Variants in CDKN2AIPNL observed in about 807,000 individuals in gnomAD.
CDKN2AIPNL encodes the protein XRN2 binding domain containing 1, also known as CDKN2AIP N-terminal-like protein.
In CDKN2AIPNL, 9 loss-of-function variants were observed where a neutral mutation model predicts 12.9. That is an observed-to-expected ratio of 0.70 (90% CI 0.42 to 1.22). The LOEUF is 1.22. Among genes scored for constraint, CDKN2AIPNL ranks in the 50% most tolerant of loss-of-function variants. CDKN2AIPNL has a pLI of 0.00. For missense variants in CDKN2AIPNL, 143 were observed against 153.6 expected (o/e 0.93, Z 0.37); for synonymous variants, 53 against 61.7 (o/e 0.86, Z 0.66).
chr5:134,405,108 C>CTTTTTTTTTCTT (rs1243871449), intron 2 of CDKN2AIPNL, among the ~76,000 whole-genome samples: 162 of 131,660 alleles, frequency 1.2e-3, no homozygotes, highest in African/African-American at 4.1e-3. Flanking sequence ...CGTCATTTTT[C>CTTTTTTTTTCTT]TTTTTTTTTT....
At chr5:134,411,180 A>G in intron 1 of CDKN2AIPNL, 2 of 692,522 alleles carry the variant, frequency 2.9e-6, no homozygotes, top group Admixed American at 2.1e-5. Context: ...GGCCCCAGGT[A>G]TATCACTTCT....
Position 134,409,888 on chromosome 5 carries a change from G to C in CDKN2AIPNL, c.339+15C>G. On this transcript the variant is annotated intron_variant, in intron 2 of 2. Coordinates refer to ENST00000458198, the MANE Select transcript of CDKN2AIPNL (RefSeq NM_080656.3). ...CTACACCATTTCATCACATGCACTT[G>C]GAAATCCTATTTACCTTTTTCATTA... The C allele has an allele frequency of 6.5e-7, 1 of 1,545,866 alleles. No homozygotes were observed. Among genetic ancestry groups the C allele is most frequent in the Non-Finnish European group, 8.9e-7 (1 of 1,120,382 alleles).
chr5:134,411,531 G>A, intron 1 of CDKN2AIPNL, 85 bp downstream of exon 1: 1 of 1,207,558 alleles, frequency 8.3e-7, no homozygotes, highest in Non-Finnish European at 1.2e-6. Flanking sequence ...CTGGGGCAGA[G>A]GTTCGGGTCA....
rs891687833 is a variant in CDKN2AIPNL at position 134,411,818 on chromosome 5, G to A, written c.37C>T (p.Leu13=). Residue 13 remains leucine (L), a synonymous_variant, in exon 1 of 3, where the codon CTG becomes TTG. Transcript: ENST00000458198. The stretch of plus-strand genomic sequence containing the variant: ...GCCGCCTGCCGCACCCCCGAAACCA[G>A]CTCCTCCACTGCGGCAGCCGCCTCG... ...GGEAAAAVEE[L]VSGVRQAADF... is the part of the protein sequence containing the mutation. 39 of 1,597,556 alleles carry A rather than the reference G, an allele frequency of 2.4e-5. No homozygotes were observed. In the African/African-American group the frequency reaches 5.0e-4, roughly 20 times the overall value.
chr5:134,402,885 T>C lies in CDKN2AIPNL; in HGVS notation c.*30A>G, dbSNP rs1424559885. 2.5e-6 allele frequency: 4 copies of C among 1,605,480 alleles called. No homozygotes were observed. Among genetic ancestry groups the C allele is most frequent in the Non-Finnish European group, 1.7e-6 (2 of 1,175,984 alleles). On this transcript the variant is annotated 3_prime_UTR_variant, in exon 3 of 3. Coordinates refer to ENST00000458198, the MANE Select transcript of CDKN2AIPNL (RefSeq NM_080656.3). The stretch of plus-strand genomic sequence containing the variant: ...CCAGCCTCCTTTCTAATCCTGTAGC[T>C]GATGATGAAAATGTGATAAATCTTC...
At chr5:134,406,168 G>A (rs1759101572) in intron 2 of CDKN2AIPNL, among the ~76,000 whole-genome samples, 1 of 152,170 alleles carries the variant, frequency 6.6e-6, no homozygotes, top group Non-Finnish European at 1.5e-5. Flanking sequence ...AGATCTACTT[G>A]CCTCAAAGCT....
At chr5:134,408,444 C>T (rs1010539995) in intron 2 of CDKN2AIPNL, among the ~76,000 whole-genome samples, 6 of 145,990 alleles carry the variant, frequency 4.1e-5, no homozygotes, top group African/African-American at 1.3e-4. Flanking sequence ...CCGAGGCGGG[C>T]GGATCACGAG....
At chr5:134,404,999 GTCTCAAAC>G (rs1759081661) in intron 2 of CDKN2AIPNL, among the ~76,000 whole-genome samples, 1 of 151,676 alleles carries the variant, frequency 6.6e-6, no homozygotes, top group Admixed American at 6.6e-5. Context: ...GGCCAGGCTG[GTCTCAAAC>G]TCTCAACCTC....
chr5:134,406,211 A>G (rs1159527306), intron 2 of CDKN2AIPNL, among the ~76,000 whole-genome samples: 1 of 152,256 alleles, frequency 6.6e-6, no homozygotes, highest in Non-Finnish European at 1.5e-5. Flanking sequence ...TTAAAATCTT[A>G]AAGAGCTTAT....
At chr5:134,408,218 A>T (rs1038086501) in intron 2 of CDKN2AIPNL, among the ~76,000 whole-genome samples, 1 of 152,134 alleles carries the variant, frequency 6.6e-6, no homozygotes, top group Non-Finnish European at 1.5e-5. Context: ...CAGTAGCCAG[A>T]AACTATCTAG....
chr5:134,411,032 T>C (rs939305398), intron 1 of CDKN2AIPNL: 3 of 702,400 alleles, frequency 4.3e-6, no homozygotes, highest in South Asian at 1.5e-5. Flanking sequence ...GCCATTTTCA[T>C]AAGAGGGAAA....
chr5:134,408,888 G>C (rs979813793), intron 2 of CDKN2AIPNL, among the ~76,000 whole-genome samples: 9 of 152,190 alleles, frequency 5.9e-5, no homozygotes, highest in Admixed American at 5.9e-4. Flanking sequence ...AAATCAAGTG[G>C]GGTGTACTAT....
chr5:134,407,306 T>C (rs962603977), intron 2 of CDKN2AIPNL, among the ~76,000 whole-genome samples: 4 of 140,946 alleles, frequency 2.8e-5, no homozygotes, highest in Non-Finnish European at 6.2e-5. Flanking sequence ...CACTTCACAC[T>C]GGTCTATAGA....
intron 1 of CDKN2AIPNL, 64 bp downstream of exon 1, chr5:134,411,552 C>G: frequency 7.0e-7 from 1 of 1,428,256 alleles, no homozygotes; most frequent in Non-Finnish European, 9.8e-7. Flanking sequence ...GGGGTGAGCC[C>G]TGGGAGAGGC....
chr5:134,410,050 T>C (rs777385048), intron 1 of CDKN2AIPNL, 48 bp from the exon 2 acceptor site: 9 of 1,326,618 alleles, frequency 6.8e-6, no homozygotes, highest in African/African-American at 1.5e-5. Context: ...CAATTGTCAC[T>C]GTGGATTAAT....
In CDKN2AIPNL at chr5:134,411,660, G is replaced by A. The variant is rs769394982; in HGVS notation, c.195C>T (p.Leu65=). ...GGTTGGCCCAGACCATGGAGAGGGA[G>A]AGCAGCTGGTCCAGGCGGCCACTGC... is the stretch of plus-strand genomic sequence containing the variant. ...PDGSGRLDQL[L]SLSMVWANHL... is the part of the protein sequence containing the mutation. Residue 65 remains leucine (L), a synonymous_variant, in exon 1 of 3, where the codon CTC becomes CTT. Coordinates refer to ENST00000458198, the MANE Select transcript of CDKN2AIPNL (RefSeq NM_080656.3). 3.1e-6 allele frequency: 5 copies of A among 1,613,126 alleles called. No individual in the cohort carries two copies. In the Admixed American group the frequency reaches 6.7e-5, roughly 22 times the overall value.
intron 2 of CDKN2AIPNL, among the ~76,000 whole-genome samples, chr5:134,409,160 G>A (rs112137858): frequency 0.014 from 2,208 of 152,296 alleles, 39 homozygotes; most frequent in African/African-American, 0.048. Context: ...AGACTAAATA[G>A]AACTTTAGAC....
At chr5:134,406,305 C>T (rs1403551304) in intron 2 of CDKN2AIPNL, among the ~76,000 whole-genome samples, 1 of 152,120 alleles carries the variant, frequency 6.6e-6, no homozygotes, top group Non-Finnish European at 1.5e-5. Context: ...GCTTTAAAAC[C>T]CAACTAAACT....
chr5:134,403,032 C>A, intron 2 of CDKN2AIPNL, 106 bp from the exon 3 acceptor site: 1 of 879,830 alleles, frequency 1.1e-6, no homozygotes. Context: ...ATGTACTATC[C>A]AGACAGTAAG....
Sources: allele counts gnomAD v4.1 joint callset (sites outside exome capture counted in the v4.1 genomes callset), GRCh38; gene constraint gnomAD v4.1.1; transcripts MANE v1.5; gene names NCBI Gene and HGNC (gene_info 2026-07-23, HGNC 2026-07-21).